Variants in PAQR7 observed in about 807,000 individuals in gnomAD.
PAQR7 encodes progestin and adipoQ receptor family member 7, also known as membrane progestin receptor alpha.
A neutral mutation model predicts 24.6 loss-of-function variants in PAQR7; 14 were observed. That is an observed-to-expected ratio of 0.57 (90% CI 0.38 to 0.89). The LOEUF (loss-of-function observed/expected upper bound fraction) is 0.89. Ranked by LOEUF, PAQR7 falls within the 40% of genes least tolerant of loss-of-function variation. PAQR7 has a pLI of 0.00. For synonymous variants in PAQR7, 189 were observed against 198.8 expected (o/e 0.95, Z 0.42); for missense variants, 351 against 444.0 (o/e 0.79, Z 1.88).
At chr1:25,869,261 A>G (rs1336621337) in intron 2 of PAQR7, among the ~76,000 whole-genome samples, 1 of 151,920 alleles carries the variant, frequency 6.6e-6, no homozygotes, top group African/African-American at 2.4e-5. Context: ...TGTTGCGGAT[A>G]ATGAAATTCA....
chr1:25,866,004 AAAAG>A (rs977698266), intron 2 of PAQR7, among the ~76,000 whole-genome samples: 39 of 151,916 alleles, frequency 2.6e-4, no homozygotes, highest in Admixed American at 1.2e-3. Context: ...AAAAAAAAGA[AAAAG>A]AAAGAACAAC....
intron 2 of PAQR7, among the ~76,000 whole-genome samples, chr1:25,866,769 G>A (rs1343724888): frequency 6.6e-6 from 1 of 152,158 alleles, no homozygotes; most frequent in African/African-American, 2.4e-5. Context: ...GTCTTGCTCT[G>A]TCACCCAGGC....
At position 25,862,727 on chromosome 1, in the gene PAQR7, T is replaced by A. The variant is rs2048521118; in HGVS notation, c.*72A>T. 2.0e-6 allele frequency: 3 copies of A among 1,467,456 alleles called. No individual in the cohort carries two copies. Among genetic ancestry groups the A allele is most frequent in the Non-Finnish European group, 2.8e-6 (3 of 1,075,600 alleles). The allele number at this position is 1,467,456 out of a possible 1,614,324, so 90.9% of individuals were successfully genotyped here. ...ACACAAACAACTTTACCAGGCCTTGTTCCCACCTGGAGCCAAACCCAGACC... is the reference window on the plus strand; with the variant it reads ...ACACAAACAACTTTACCAGGCCTTGATCCCACCTGGAGCCAAACCCAGACC... On this transcript the variant is annotated 3_prime_UTR_variant, in exon 3 of 3. Coordinates refer to ENST00000675840, the MANE Select transcript of PAQR7 (RefSeq NM_178422.6).
chr1:25,863,792 C>T lies in PAQR7; in HGVS notation c.48G>A (p.Gln16=), dbSNP rs1444111744. The part of the protein sequence containing the change: ...KLSHLLPSLR[Q]VIQEPQLSLQ... ...GAGATAGCTGAGGCTCCTGGATGAC[C>T]TGCCGCAGACTCGGCAGGAGGTGGC... The change falls in exon 3 of 3, where the codon CAG becomes CAA. Residue 16 remains glutamine, a synonymous_variant. Coordinates refer to ENST00000675840, the MANE Select transcript of PAQR7 (RefSeq NM_178422.6). The surrounding 1 kb of genome is among the most constrained non-coding windows in gnomAD (Gnocchi z 6.1). The T allele has an allele frequency of 1.2e-6, 2 of 1,613,560 alleles. No homozygotes were observed. Among genetic ancestry groups the T allele is most frequent in the Non-Finnish European group, 1.7e-6 (2 of 1,179,924 alleles).
chr1:25,869,403 G>A (rs546136528), intron 2 of PAQR7, among the ~76,000 whole-genome samples: 6 of 151,804 alleles, frequency 4.0e-5, no homozygotes, highest in African/African-American at 1.4e-4. Context: ...GAAACCCCAT[G>A]TCTACTAAAA....
rs1238210580 is a variant in PAQR7, at chr1:25,875,479, G to GC, written c.-109+8dup. The stretch of plus-strand genomic sequence containing the variant: ...CCAGCCAGGCCTCCCCGTCTTGGCA[G>GC]CCCCGTACCTGAGCCGGAGCCGAGC... On this transcript the variant is annotated intron_variant, in intron 1 of 2. Transcript: ENST00000675840. This position sits in a 1 kb window ranked among gnomAD's most constrained non-coding sequence, Gnocchi z 5.4. Among the ~76,000 whole-genome samples the GC allele has an allele frequency of 6.6e-6, 1 of 152,076 alleles. No homozygotes were observed. The highest frequency in any genetic ancestry group is 1.5e-5 in the Non-Finnish European group (1 of 67,990).
At chr1:25,865,986 CAAA>C (rs111451589) in intron 2 of PAQR7, among the ~76,000 whole-genome samples, 10 of 97,422 alleles carry the variant, frequency 1.0e-4, no homozygotes, top group African/African-American at 9.5e-5. Flanking sequence ...AACTCCGTCT[CAAA>C]AAAAAAAAAA....
At chr1:25,867,032 T>C (rs1044054442) in intron 2 of PAQR7, among the ~76,000 whole-genome samples, 2 of 148,632 alleles carry the variant, frequency 1.3e-5, no homozygotes, top group Non-Finnish European at 3.0e-5. Context: ...CACCCAGCCT[T>C]GTTTTGTTTT....
chr1:25,868,107 C>G (rs148505520), intron 2 of PAQR7, among the ~76,000 whole-genome samples: 28 of 152,348 alleles, frequency 1.8e-4, no homozygotes, highest in African/African-American at 6.7e-4. Context: ...ATCTGGCCCC[C>G]ACTCTTGTCC....
chr1:25,868,343 T>G (rs1022475676), intron 2 of PAQR7, among the ~76,000 whole-genome samples: 1 of 152,150 alleles, frequency 6.6e-6, no homozygotes, highest in African/African-American at 2.4e-5. Flanking sequence ...TGGGTGCCTG[T>G]GATCTGATAA....
At chr1:25,864,963 T>TG (rs1237147178) in intron 2 of PAQR7, among the ~76,000 whole-genome samples, 2 of 151,744 alleles carry the variant, frequency 1.3e-5, no homozygotes, top group Non-Finnish European at 2.9e-5. Context: ...GAGACCATCC[T>TG]GGCTAACACG....
intron 2 of PAQR7, 141 bp from the exon 3 acceptor site, chr1:25,864,002 A>G: frequency 1.5e-6 from 1 of 645,998 alleles, no homozygotes; most frequent in East Asian, 2.7e-5. Flanking sequence ...CAGAAGACTC[A>G]TCCTATGGAA....
chr1:25,863,602 G>A lies in PAQR7; in HGVS notation c.238C>T (p.Leu80=). 6.2e-7 allele frequency: 1 copy of A among 1,614,250 alleles called. No homozygotes were observed. Among genetic ancestry groups the A allele is most frequent in the Non-Finnish European group, 8.5e-7 (1 of 1,180,036 alleles). The part of the protein sequence containing the change: ...NEAVNVWTHL[L]AALVLLLRLA... ...CGCAGCAGCAGTACCAGGGCCGCCAGCAGGTGGGTCCAGACATTCACGGCC... is the reference window on the plus strand; with the variant it reads ...CGCAGCAGCAGTACCAGGGCCGCCAACAGGTGGGTCCAGACATTCACGGCC... The change falls in exon 3 of 3, where the codon CTG becomes TTG. Residue 80 remains leucine (L), a synonymous_variant. Transcript: ENST00000675840. The surrounding 1 kb of genome is among the most constrained non-coding windows in gnomAD (Gnocchi z 6.1).
intron 1 of PAQR7, among the ~76,000 whole-genome samples, chr1:25,874,460 A>G (rs1377988811): frequency 6.6e-6 from 1 of 152,204 alleles, no homozygotes; most frequent in Non-Finnish European, 1.5e-5. Context: ...GTCACCCAGC[A>G]TGGGGCACAG....
intron 1 of PAQR7, among the ~76,000 whole-genome samples, chr1:25,873,020 C>A (rs971908944): frequency 6.6e-6 from 1 of 152,144 alleles, no homozygotes; most frequent in Admixed American, 6.5e-5. Context: ...AAAGTCTAAC[C>A]CCATTAGATA....
chr1:25,873,291 C>T (rs1384571406), intron 1 of PAQR7, among the ~76,000 whole-genome samples: 9 of 152,212 alleles, frequency 5.9e-5, no homozygotes, highest in Non-Finnish European at 1.2e-4. Context: ...CTATCTGACT[C>T]CAAAACCAGC....
rs1043400810 is a variant in PAQR7 at position 25,863,089 on chromosome 1, C to T, written c.751G>A (p.Ala251Thr). Reference sequence around the variant, plus strand: ...ATGAAGGTAGAGAAGAAGGCAGCAGCCAGCAGAAAGAAGACCACCTGGCAC... The same window carrying T: ...ATGAAGGTAGAGAAGAAGGCAGCAGTCAGCAGAAAGAAGACCACCTGGCAC... ...HKCQVVFFLLAAAFFSTFMPE... is the reference protein window; with the variant it reads ...HKCQVVFFLLTAAFFSTFMPE... The change falls in exon 3 of 3, where the codon GCT becomes ACT. Residue 251 changes from alanine to threonine, a missense_variant. Physicochemically the swap from Ala to Thr is moderately conservative, Grantham distance 58. Transcript: ENST00000675840. This position sits in a 1 kb window ranked among gnomAD's most constrained non-coding sequence, Gnocchi z 6.1. The T allele has an allele frequency of 6.2e-7, 1 of 1,614,066 alleles. No homozygotes were observed. The highest frequency in any genetic ancestry group is 1.7e-5 in the Admixed American group (1 of 60,020).
intron 2 of PAQR7, among the ~76,000 whole-genome samples, chr1:25,868,506 C>T (rs1046985239): frequency 3.3e-5 from 5 of 150,304 alleles, no homozygotes; most frequent in African/African-American, 1.2e-4. Flanking sequence ...ATCAGGAGTT[C>T]GAAACCAGCT....
At chr1:25,869,670 T>C (rs1435249255) in intron 2 of PAQR7, among the ~76,000 whole-genome samples, 2 of 152,064 alleles carry the variant, frequency 1.3e-5, no homozygotes, top group Non-Finnish European at 2.9e-5. Flanking sequence ...TGTAGATGCT[T>C]GCAGACACTA....
Sources: allele counts gnomAD v4.1 joint callset (sites outside exome capture counted in the v4.1 genomes callset), GRCh38; gene constraint gnomAD v4.1.1; non-coding constraint Gnocchi (gnomAD v3.1); transcripts MANE v1.5; gene names NCBI Gene and HGNC (gene_info 2026-07-23, HGNC 2026-07-21).